The following GSDMC variants were observed in gnomAD, a reference collection of about 807,000 sequenced individuals.
GSDMC encodes gasdermin-C.
In GSDMC, 59 loss-of-function variants were observed where a neutral mutation model predicts 58.0. That is an observed-to-expected ratio of 1.02 (90% confidence interval 0.82 to 1.26). GSDMC has a LOEUF of 1.26. GSDMC is among the 50% of genes most tolerant of loss of function. The probability of loss-of-function intolerance (pLI) is 0.00; values close to 1 mark genes in which losing one functional copy is unlikely to be tolerated. For synonymous variants in GSDMC, 241 were observed against 220.2 expected (o/e 1.09, Z -0.83); for missense variants, 659 against 598.5 (o/e 1.10, Z -1.06).
chr8:129,733,253 C>T, the GSDMC span, among the ~76,000 whole-genome samples: 1 of 152,246 alleles, frequency 6.6e-6, no homozygotes, highest in South Asian at 2.1e-4. Context: ...GAACAAAAGG[C>T]AGCAGAAACT....
the GSDMC span, chr8:129,729,359 G>A: frequency 1.4e-5 from 6 of 438,408 alleles, no homozygotes; most frequent in South Asian, 3.9e-5. Context: ...TGTGCACAAG[G>A]TGCAGGCTTA....
At position 129,749,500 on chromosome 8, in the gene GSDMC, C is replaced by T. The variant is rs767384962; in HGVS notation, c.1239G>A (p.Leu413=). 51 of 1,613,792 alleles carry T rather than the reference C, an allele frequency of 3.2e-5. 1 individual carries two copies. Among genetic ancestry groups the T allele is most frequent in the South Asian group, 3.1e-4 (28 of 91,080 alleles). ...IMVLSDFQHD[L]LACSMEKRIL... ...TCCTCTTCTCCATGGAACAGGCCAG[C>T]AAATCGTGTTGGAAGTCACTCAGCA... Residue 413 remains leucine, a synonymous_variant, in exon 13 of 14, where the codon TTG becomes TTA. Transcript: ENST00000276708.
chr8:129,753,878 G>A (rs1017889955), intron 6 of GSDMC, among the ~76,000 whole-genome samples: 6 of 152,204 alleles, frequency 3.9e-5, no homozygotes, highest in East Asian at 1.9e-4. Context: ...CTCATGGGCC[G>A]GTGGTAATGG....
At chr8:129,705,728 C>A in the GSDMC span, 8 of 152,128 alleles carry the variant, frequency 5.3e-5, no homozygotes, top group Non-Finnish European at 8.8e-5. Context: ...GGGACACAAC[C>A]AAACCATATC....
At chr8:129,724,435 A>C in the GSDMC span, among the ~76,000 whole-genome samples, 1 of 152,330 alleles carries the variant, frequency 6.6e-6, no homozygotes, top group African/African-American at 2.4e-5. Context: ...ATAACACAAT[A>C]GATAATACAA....
At chr8:129,779,214 G>T (rs1005776849) in intron 1 of GSDMC, among the ~76,000 whole-genome samples, 1 of 152,098 alleles carries the variant, frequency 6.6e-6, no homozygotes, top group Non-Finnish European at 1.5e-5. Flanking sequence ...AAACCTAAAT[G>T]CCCATCAACT....
chr8:129,757,715 G>T (rs2033496991), intron 6 of GSDMC, among the ~76,000 whole-genome samples: 1 of 152,152 alleles, frequency 6.6e-6, no homozygotes, highest in Non-Finnish European at 1.5e-5. Flanking sequence ...TTTACAGCCA[G>T]GTGTCATGAT....
the GSDMC span, among the ~76,000 whole-genome samples, chr8:129,711,659 C>A: frequency 1.3e-5 from 2 of 152,180 alleles, no homozygotes; most frequent in African/African-American, 4.8e-5. Context: ...AAGGAGAGAC[C>A]AAAGGGTCCT....
chr8:129,726,444 T>C, the GSDMC span, among the ~76,000 whole-genome samples: 4 of 152,060 alleles, frequency 2.6e-5, no homozygotes. Flanking sequence ...CGGAAGCATA[T>C]AAAGGAGAGT....
chr8:129,729,381 G>A, the GSDMC span: 42 of 408,878 alleles, frequency 1.0e-4, no homozygotes, highest in South Asian at 4.2e-5. Context: ...TACATATGCA[G>A]ACATGTGCCA....
At chr8:129,747,604 A>C (rs2032996039), downstream of GSDMC, among the ~76,000 whole-genome samples, 1 of 152,166 alleles carries the variant, frequency 6.6e-6, no homozygotes, top group Non-Finnish European at 1.5e-5. Flanking sequence ...CATCTAAAGG[A>C]TTTTAGGCAG....
At chr8:129,706,390 G>C in the GSDMC span, among the ~76,000 whole-genome samples, 2 of 152,164 alleles carry the variant, frequency 1.3e-5, no homozygotes, top group Non-Finnish European at 2.9e-5. Context: ...CAGAAGAAAG[G>C]AAATGCTTTA....
intron 3 of GSDMC, among the ~76,000 whole-genome samples, chr8:129,775,325 T>G (rs1473888618): frequency 2.6e-5 from 4 of 152,226 alleles, no homozygotes; most frequent in Non-Finnish European, 5.9e-5. Context: ...ATACAAATAC[T>G]GTATAATCTC....
At chr8:129,723,999 C>T in the GSDMC span, among the ~76,000 whole-genome samples, 5 of 152,208 alleles carry the variant, frequency 3.3e-5, no homozygotes, top group Admixed American at 6.5e-5. Context: ...GGCACAAAAG[C>T]TTGCTTTTGC....
intron 9 of GSDMC, 34 bp downstream of exon 9, chr8:129,751,828 T>TG: frequency 3.2e-6 from 5 of 1,576,980 alleles, no homozygotes; most frequent in African/African-American, 1.3e-5. Flanking sequence ...CAGGATGGGA[T>TG]CCCCACCCCC....
At chr8:129,758,070 A>T (rs2033511777) in intron 6 of GSDMC, among the ~76,000 whole-genome samples, 1 of 152,232 alleles carries the variant, frequency 6.6e-6, no homozygotes, top group Non-Finnish European at 1.5e-5. Context: ...ACATACACAA[A>T]TCAATCAATG....
At chr8:129,715,386 T>C in the GSDMC span, among the ~76,000 whole-genome samples, 2 of 151,780 alleles carry the variant, frequency 1.3e-5, no homozygotes, top group Non-Finnish European at 2.9e-5. Flanking sequence ...ATATCCAGCA[T>C]CAAACAGGGT....
At chr8:129,756,067 TA>T (rs1170096425) in intron 6 of GSDMC, among the ~76,000 whole-genome samples, 18 of 141,334 alleles carry the variant, frequency 1.3e-4, no homozygotes, top group South Asian at 2.2e-4. Flanking sequence ...CTGAAAGGAT[TA>T]AAAAAAAAAA....
At position 129,778,882 on chromosome 8, in the gene GSDMC, A is replaced by G. The variant is rs181448077; in HGVS notation, c.-4-1291T>C. Among the ~76,000 whole-genome samples the G allele has an allele frequency of 7.2e-4, 110 of 152,316 alleles. 1 individual carries two copies. Among genetic ancestry groups the G allele is most frequent in the African/African-American group, 2.6e-3 (109 of 41,572 alleles). On this transcript the variant is annotated intron_variant, in intron 1 of 13. Transcript: ENST00000276708. ...AAAGCTCAACACCACTGATCATTAG[A>G]GAAACACAAATCAAAACCACAATGA...
Sources: gnomAD v4.1 joint callset for allele counts (sites outside exome capture counted in the v4.1 genomes callset) on GRCh38, gnomAD v4.1.1 for gene constraint, MANE v1.5 for transcripts, NCBI Gene and HGNC (gene_info 2026-07-23, HGNC 2026-07-21) for gene names.